LRMDA: variants seen among roughly 807,000 people sequenced by gnomAD.
The protein encoded by LRMDA is leucine-rich melanocyte differentiation-associated protein.
In LRMDA, 18 loss-of-function variants were observed where a neutral mutation model predicts 29.8. The observed-to-expected ratio is 0.60, with a 90% CI of 0.42 to 0.90. The LOEUF (loss-of-function observed/expected upper bound fraction) is 0.90. Among genes scored for constraint, LRMDA ranks in the 40% least tolerant of loss-of-function variants. The pLI, the probability that LRMDA is intolerant of heterozygous loss-of-function variation, is 0.00. For synonymous variants in LRMDA, 125 were observed against 109.4 expected (o/e 1.14, Z -0.89); for missense variants, 273 against 273.9 (o/e 1.00, Z 0.02).
chr10:75,608,865 C>T (rs1036685287), intron 2 of LRMDA, among the ~76,000 whole-genome samples: 3 of 152,148 alleles, frequency 2.0e-5, no homozygotes, highest in Admixed American at 6.5e-5. Flanking sequence ...TTTTTGGTTA[C>T]TGTCTCTGCC....
chr10:76,067,117 G>T (rs1848797397), intron 5 of LRMDA, among the ~76,000 whole-genome samples: 1 of 152,196 alleles, frequency 6.6e-6, no homozygotes. Flanking sequence ...ACAGCTGATG[G>T]CTGTCAGAGA....
chr10:75,700,355 A>G (rs1335797031), intron 2 of LRMDA, among the ~76,000 whole-genome samples: 3 of 151,660 alleles, frequency 2.0e-5, no homozygotes, highest in Non-Finnish European at 2.9e-5. Flanking sequence ...AAAGCAGTAT[A>G]TATATTATTT....
intron 5 of LRMDA, among the ~76,000 whole-genome samples, chr10:76,152,268 C>A (rs1319987479): frequency 6.6e-6 from 1 of 152,196 alleles, no homozygotes; most frequent in Non-Finnish European, 1.5e-5. Context: ...TGTAGTCATA[C>A]AACATGTAGC....
chr10:75,992,291 C>T (rs1396453763), intron 2 of LRMDA, among the ~76,000 whole-genome samples: 3 of 152,072 alleles, frequency 2.0e-5, no homozygotes, highest in East Asian at 3.9e-4. Flanking sequence ...ATGCATCCTC[C>T]GAGTACCATG....
chr10:75,775,174 A>G (rs992971498), intron 2 of LRMDA, among the ~76,000 whole-genome samples: 5 of 152,228 alleles, frequency 3.3e-5, no homozygotes, highest in African/African-American at 9.6e-5. Context: ...TGTTATTTTT[A>G]TAGGAAGAGG....
chr10:75,574,681 T>A (rs1282648541), intron 2 of LRMDA, among the ~76,000 whole-genome samples: 1 of 152,202 alleles, frequency 6.6e-6, no homozygotes, highest in Non-Finnish European at 1.5e-5. Flanking sequence ...AGTTTCACAC[T>A]TGTACTCTGT....
intron 2 of LRMDA, among the ~76,000 whole-genome samples, chr10:75,588,114 C>T (rs543901720): frequency 6.6e-6 from 1 of 152,202 alleles, no homozygotes; most frequent in African/African-American, 2.4e-5. Context: ...GGGCACCATG[C>T]TTCACCTGCT....
At chr10:76,340,021 A>G (rs1273379435) in intron 6 of LRMDA, among the ~76,000 whole-genome samples, 1 of 152,200 alleles carries the variant, frequency 6.6e-6, no homozygotes, top group Non-Finnish European at 1.5e-5. Context: ...TCTCTTTTTC[A>G]AATATGAATA....
intron 2 of LRMDA, among the ~76,000 whole-genome samples, chr10:75,914,833 G>T (rs530350045): frequency 5.8e-4 from 88 of 152,276 alleles, no homozygotes; most frequent in African/African-American, 2.0e-3. Context: ...TAGTAGACAG[G>T]TGTTATTTTA....
intron 2 of LRMDA, among the ~76,000 whole-genome samples, chr10:75,856,999 T>C (rs1048829562): frequency 3.9e-5 from 6 of 152,158 alleles, no homozygotes; most frequent in African/African-American, 1.4e-4. Context: ...GGATACAAAA[T>C]CAATGTGCAA....
chr10:76,042,080 A>G (rs548924297), intron 3 of LRMDA, among the ~76,000 whole-genome samples: 1 of 152,224 alleles, frequency 6.6e-6, no homozygotes, highest in African/African-American at 2.4e-5. Context: ...ACCAGCCAAC[A>G]TAAGGCTGTG....
At chr10:76,276,675 C>A (rs1840139588) in intron 5 of LRMDA, among the ~76,000 whole-genome samples, 1 of 152,072 alleles carries the variant, frequency 6.6e-6, no homozygotes, top group African/African-American at 2.4e-5. Flanking sequence ...GTGACTAATA[C>A]TTATTTGTAT....
Position 75,793,846 on chromosome 10 carries a change from T to C in LRMDA, c.132-242162T>C, listed in dbSNP as rs190194637. On this transcript the variant is annotated intron_variant, in intron 2 of 6. Coordinates refer to ENST00000611255, the MANE Select transcript of LRMDA (RefSeq NM_001305581.2). ...AGCAGGAGTGAGAAATAAACCGTTA[T>C]GGTTTTTAAGCCAGGGGTCAGCACA... Among the ~76,000 whole-genome samples the C allele has an allele frequency of 4.8e-4, 73 of 152,342 alleles. 1 individual carries two copies. The highest frequency in any genetic ancestry group is 3.5e-3 in the Admixed American group (53 of 15,312).
intron 2 of LRMDA, among the ~76,000 whole-genome samples, chr10:75,771,220 T>C (rs1002294206): frequency 6.6e-6 from 1 of 151,798 alleles, no homozygotes; most frequent in African/African-American, 2.4e-5. Flanking sequence ...TGACAGCAGA[T>C]ATTGGCTCAC....
intron 2 of LRMDA, among the ~76,000 whole-genome samples, chr10:75,891,356 T>A (rs1845488066): frequency 6.6e-6 from 1 of 152,152 alleles, no homozygotes; most frequent in South Asian, 2.1e-4. Flanking sequence ...ATTCTGATTG[T>A]TGGGTCCCAT....
intron 5 of LRMDA, among the ~76,000 whole-genome samples, chr10:76,281,656 A>C (rs1840207505): frequency 1.3e-5 from 2 of 152,116 alleles, no homozygotes; most frequent in Non-Finnish European, 2.9e-5. Flanking sequence ...TGCCGGCCTT[A>C]TTTCCATGTA....
At chr10:76,430,848 T>A (rs549864841) in intron 6 of LRMDA, among the ~76,000 whole-genome samples, 28 of 152,202 alleles carry the variant, frequency 1.8e-4, no homozygotes, top group Non-Finnish European at 3.8e-4. Flanking sequence ...CCCCCTCCTC[T>A]GCCTCCACAA....
chr10:76,162,599 G>A (rs1428008804), intron 5 of LRMDA, among the ~76,000 whole-genome samples: 1 of 152,062 alleles, frequency 6.6e-6, no homozygotes, highest in East Asian at 1.9e-4. Flanking sequence ...GAGAGAGGGA[G>A]ATGCTACACA....
At chr10:75,690,113 G>C (rs1842127062) in intron 2 of LRMDA, among the ~76,000 whole-genome samples, 1 of 152,206 alleles carries the variant, frequency 6.6e-6, no homozygotes, top group South Asian at 2.1e-4. Flanking sequence ...CTATTAAAAA[G>C]TTGAGAGAAA....
Sources: allele counts gnomAD v4.1 joint callset (sites outside exome capture counted in the v4.1 genomes callset), GRCh38; gene constraint gnomAD v4.1.1; transcripts MANE v1.5; gene names NCBI Gene and HGNC (gene_info 2026-07-23, HGNC 2026-07-21).